TTN: variants seen among roughly 807,000 people sequenced by gnomAD.
TTN encodes connectin.
In TTN, 1,525 loss-of-function variants were observed where a neutral mutation model predicts 3,223.0. The ratio of observed to expected loss-of-function variants is 0.47; its 90% CI spans 0.45 to 0.49. The LOEUF (loss-of-function observed/expected upper bound fraction) is 0.49, where lower values mean the gene tolerates loss of function less well. TTN is among the 20% of genes least tolerant of loss of function. The pLI, the probability that TTN is intolerant of heterozygous loss-of-function variation, is 0.00. For synonymous variants in TTN, 14,094 were observed against 15,161.0 expected, an observed-to-expected ratio of 0.93 and a Z score of 5.17; for missense variants, 40,786 against 43,424.0, an observed-to-expected ratio of 0.94 and a Z score of 5.40.
In TTN at chr2:178,572,225, G is replaced by A. The variant is rs1708469401; in HGVS notation, c.73907C>T (p.Ser24636Phe). The change falls in exon 326 of 363, where the codon TCT becomes TTT. Residue 24636 changes from serine (S) to phenylalanine (F), a missense_variant. Coordinates refer to ENST00000589042, the MANE Select transcript of TTN (RefSeq NM_001267550.2). ...MDVTRNSVSLSWEKPEHDGGS... is the reference protein window; with the variant it reads ...MDVTRNSVSLFWEKPEHDGGS... The stretch of plus-strand genomic sequence containing the variant: ...TCCATCATGCTCTGGTTTCTCCCAA[G>A]AGAGTGACACACTATTTCTTGTGAC... 3.1e-6 allele frequency: 5 copies of A among 1,613,424 alleles called. No individual in the cohort carries two copies. The highest frequency in any genetic ancestry group is 4.2e-6 in the Non-Finnish European group (5 of 1,179,618).
intron 67 of TTN, 106 bp downstream of exon 67, chr2:178,728,004 G>A: frequency 1.4e-6 from 2 of 1,422,224 alleles, no homozygotes; most frequent in South Asian, 1.6e-5. Flanking sequence ...TGTATCTAAA[G>A]AACCAGAATC....
At chr2:178,793,274 A>T in intron 9 of TTN, 130 bp downstream of exon 9, 1 of 1,380,072 alleles carries the variant, frequency 7.2e-7, no homozygotes, top group East Asian at 2.3e-5. Flanking sequence ...TTACACATAC[A>T]ACAAGGGGAT....
Position 178,652,745 on chromosome 2 carries a change from A to G in TTN, c.38960-9T>C. The stretch of plus-strand genomic sequence containing the variant: ...TTTGGGAGCCTCTGGTACTTAAAAG[A>G]TATTAGTGAAATTACATTTAGGGGT... On this transcript the variant is annotated splice_polypyrimidine_tract_variant and intron_variant, in intron 200 of 362. Transcript: ENST00000589042. 1 of 1,612,084 alleles carries G rather than the reference A, an allele frequency of 6.2e-7. No homozygotes were observed. Among genetic ancestry groups the G allele is most frequent in the South Asian group, 1.1e-5 (1 of 90,970 alleles).
chr2:178,639,933 C>T (rs747096400), intron 222 of TTN, 115 bp downstream of exon 222: 273 of 1,455,336 alleles, frequency 1.9e-4, no homozygotes, highest in East Asian at 1.0e-3. Flanking sequence ...CATTTTGAGA[C>T]GTTAGAAATC....
Position 178,740,541 on chromosome 2 carries a change from T to TCAGAGTA in TTN, c.12691_12692insTACTCTG (p.Glu4231ValfsTer3). On this transcript the variant is annotated stop_gained and frameshift_variant, in exon 48 of 363. Coordinates refer to ENST00000589042, the MANE Select transcript of TTN (RefSeq NM_001267550.2). LOFTEE classifies it high-confidence loss of function. ...CTTTTCTTTTGGTGAAAGTACTTCC[T>TCAGAGTA]CAGCCACAGAGGTTAGATAAGAATG... 6.2e-7 allele frequency: 1 copy of TCAGAGTA among 1,613,828 alleles called. No individual in the cohort carries two copies. Among genetic ancestry groups the TCAGAGTA allele is most frequent in the Non-Finnish European group, 8.5e-7 (1 of 1,179,818 alleles).
At position 178,553,568 on chromosome 2, in the gene TTN, C is replaced by G; in HGVS notation, c.89437G>C (p.Val29813Leu). 6.2e-7 allele frequency: 1 copy of G among 1,613,924 alleles called. No homozygotes were observed. Among genetic ancestry groups the G allele is most frequent in the Non-Finnish European group, 8.5e-7 (1 of 1,179,822 alleles). The change falls in exon 334 of 363, where the codon GTA becomes CTA. Residue 29813 changes from valine to leucine, a missense_variant. Val to Leu is a conservative substitution (Grantham distance 32). Coordinates refer to ENST00000589042, the MANE Select transcript of TTN (RefSeq NM_001267550.2). ...GVNYYFRVSAVNCAGQGEPIE... is the reference protein window; with the variant it reads ...GVNYYFRVSALNCAGQGEPIE... ...GGTTCTCCTTGTCCAGCACAGTTTA[C>G]AGCAGATACCCGGAAGTAGTAATTG...
chr2:178,667,187 G>T, intron 162 of TTN, 49 bp downstream of exon 162: 1 of 1,450,868 alleles, frequency 6.9e-7, no homozygotes, highest in South Asian at 1.3e-5. Flanking sequence ...TTTGCAGACT[G>T]AAGACAGTAT....
rs1389908421 is a variant in TTN, at chr2:178,678,746, C to T, written c.33826+1G>A. ...TATTGCAACATTGCAAGTTCATGTA[C>T]CTTTGGCAGGTGGAGCTTCCACCTT... is the stretch of plus-strand genomic sequence containing the variant. On this transcript the variant is annotated splice_donor_variant, in intron 143 of 362. Coordinates refer to ENST00000589042, the MANE Select transcript of TTN (RefSeq NM_001267550.2). LOFTEE classifies it high-confidence loss of function. 2 of 1,600,884 alleles carry T rather than the reference C, an allele frequency of 1.2e-6. No homozygotes were observed. The highest frequency in any genetic ancestry group is 1.7e-4 in the Middle Eastern group (1 of 6,038).
chr2:178,674,176 G>C, intron 151 of TTN, 138 bp downstream of exon 151: 1 of 616,416 alleles, frequency 1.6e-6, no homozygotes, highest in Non-Finnish European at 2.9e-6. Context: ...CATAGATTCA[G>C]GTGCCAGGAA....
chr2:178,739,096 C>T (rs2154317324), intron 48 of TTN, 45 bp downstream of exon 48: 2 of 1,477,818 alleles, frequency 1.4e-6, no homozygotes, highest in Non-Finnish European at 9.0e-7. Context: ...TCATTACAAT[C>T]CAGTGAATGT....
chr2:178,545,253 A>T (rs374327746), intron 344 of TTN, 135 bp downstream of exon 344: 2 of 734,292 alleles, frequency 2.7e-6, no homozygotes, highest in Non-Finnish European at 4.0e-6. Context: ...AGCTATATTT[A>T]TGATCATGCA....
In TTN at chr2:178,664,204, A is replaced by C; in HGVS notation, c.36281-106T>G. 4.4e-6 allele frequency: 5 copies of C among 1,138,224 alleles called. No homozygotes were observed. In the South Asian group the frequency reaches 8.0e-5, roughly 18 times the overall value. 70.5% of individuals were successfully genotyped at this position (1,138,224 alleles called of 1,614,324 possible). On this transcript the variant is annotated intron_variant, in intron 168 of 362. Transcript: ENST00000589042. ...AGCTATTTTTTTCTCCTGAGCTGAGATCAGTGGTAACAAGTTCCCATAATA... is the reference window on the plus strand; with the variant it reads ...AGCTATTTTTTTCTCCTGAGCTGAGCTCAGTGGTAACAAGTTCCCATAATA...
At chr2:178,761,522 G>A (rs1055876363) in intron 43 of TTN, among the ~76,000 whole-genome samples, 3 of 152,152 alleles carry the variant, frequency 2.0e-5, no homozygotes, top group East Asian at 3.9e-4. Flanking sequence ...ATGACTTGGA[G>A]ATGTTGTTTT....
At chr2:178,791,774 G>A (rs1315779770) in intron 10 of TTN, among the ~76,000 whole-genome samples, 1 of 151,942 alleles carries the variant, frequency 6.6e-6, no homozygotes, top group Non-Finnish European at 1.5e-5. Flanking sequence ...AACTGTCCCG[G>A]TGGGTAACTG....
rs369511236 is a variant in TTN at position 178,805,907 on chromosome 2, T to G, written c.-13-1252A>C. ...TTTTGTTAAGTGCAAGAAAGTACTT[T>G]GCCTATCAGTTTCAGAGACATTATG... On this transcript the variant is annotated intron_variant, in intron 1 of 362. Coordinates refer to ENST00000589042, the MANE Select transcript of TTN (RefSeq NM_001267550.2). Among the ~76,000 whole-genome samples, 6 of 152,322 alleles carry G rather than the reference T, an allele frequency of 3.9e-5. No homozygotes were observed. The East Asian group carries it at 1.2e-3, about 29-fold the overall frequency.
chr2:178,614,019 C>CTTTTTTTTTTTTTT, intron 262 of TTN, 33 bp downstream of exon 262: 1 of 1,468,172 alleles, frequency 6.8e-7, no homozygotes, highest in Admixed American at 1.9e-5. Flanking sequence ...CATAAGCATC[C>CTTTTTTTTTTTTTT]TTTTTTTTTT....
chr2:178,730,852 T>G, intron 60 of TTN, 60 bp from the exon 61 acceptor site: 1 of 1,503,976 alleles, frequency 6.6e-7, no homozygotes, highest in Non-Finnish European at 8.8e-7. Flanking sequence ...TTGTTTTTGT[T>G]TTTTTTTTTA....
rs778894201 is a variant in TTN at position 178,718,839 on chromosome 2, C to T, written c.24361G>A (p.Gly8121Arg). The stretch of plus-strand genomic sequence containing the variant: ...TCCAGAGAGATGTTGCATGACTCCC[C>T]AGGCACCAGTTCCCTGCTGCCTTTA... ...WFKGSRELVP[G>R]ESCNISLEDF... The change falls in exon 84 of 363, where the codon GGG becomes AGG. Residue 8121 changes from glycine (G) to arginine (R), a missense_variant. Coordinates refer to ENST00000589042, the MANE Select transcript of TTN (RefSeq NM_001267550.2). 6.2e-7 allele frequency: 1 copy of T among 1,613,730 alleles called. No homozygotes were observed. The highest frequency in any genetic ancestry group is 1.1e-5 in the South Asian group (1 of 91,074).
At position 178,576,643 on chromosome 2, in the gene TTN, C is replaced by G; in HGVS notation, c.69601G>C (p.Val23201Leu). The G allele has an allele frequency of 6.2e-7, 1 of 1,613,596 alleles. No homozygotes were observed. The highest frequency in any genetic ancestry group is 1.1e-5 in the South Asian group (1 of 91,062). The part of the protein sequence containing the change: ...KTPVSDLRCK[V>L]TGLQEGSTYE... ...GTGCTTCCTTCTTGCAGTCCTGTTACTTTGCACCTGAGATCGGAAACTGGT... is the reference window on the plus strand; with the variant it reads ...GTGCTTCCTTCTTGCAGTCCTGTTAGTTTGCACCTGAGATCGGAAACTGGT... Residue 23201 changes from valine to leucine, a missense_variant, in exon 325 of 363, where the codon GTA becomes CTA. Physicochemically the swap from Val to Leu is conservative, Grantham distance 32. Transcript: ENST00000589042. This position sits in a 1 kb window ranked among gnomAD's most constrained non-coding sequence, Gnocchi z 4.3.
Sources: gnomAD v4.1 joint callset for allele counts (sites outside exome capture counted in the v4.1 genomes callset) on GRCh38, gnomAD v4.1.1 for gene constraint, Gnocchi (gnomAD v3.1) non-coding constraint, MANE v1.5 for transcripts, NCBI Gene and HGNC (gene_info 2026-07-23, HGNC 2026-07-21) for gene names.